Variants in SIRT7 observed in about 807,000 individuals in gnomAD.
SIRT7 encodes the protein NAD-dependent protein deacetylase sirtuin-7.
SIRT7 carries 32 observed loss-of-function variants against 42.8 expected under a neutral mutation model. The observed-to-expected ratio is 0.75, with a 90% CI of 0.56 to 1.00. The LOEUF (loss-of-function observed/expected upper bound fraction) is 1.00, where lower values mean the gene tolerates loss of function less well. Ranked by LOEUF, SIRT7 falls within the 50% of genes least tolerant of loss-of-function variation. The probability of loss-of-function intolerance (pLI) is 0.00; values close to 1 mark genes in which losing one functional copy is unlikely to be tolerated. For missense variants in SIRT7, 553 were observed against 572.2 expected, an observed-to-expected ratio of 0.97 and a Z score of 0.34; for synonymous variants, 297 against 245.2, an observed-to-expected ratio of 1.21 and a Z score of -1.97.
rs199694458 is a variant in SIRT7 at position 81,917,781 on chromosome 17, C to T, written c.231+49G>A. On this transcript the variant is annotated intron_variant, in intron 2 of 9. Coordinates refer to ENST00000328666, the MANE Select transcript of SIRT7 (RefSeq NM_016538.3). The stretch of plus-strand genomic sequence containing the variant: ...CCCCACCCGGGACCGCCCGTCGCCC[C>T]AGCTGCTCCCGAAACCGGGGGCGCC... 2.5e-4 allele frequency: 362 copies of T among 1,426,708 alleles called. 8 individuals are homozygous for T. In the South Asian group the frequency reaches 4.9e-3, roughly 19 times the overall value. 88.4% of individuals were successfully genotyped at this position (1,426,708 alleles called of 1,614,324 possible).
intron 5 of SIRT7, 55 bp from the exon 6 acceptor site, chr17:81,914,757 G>A (rs2040762254): frequency 6.9e-7 from 1 of 1,445,524 alleles, no homozygotes; most frequent in Non-Finnish European, 9.7e-7. Context: ...GTGGTGGGGA[G>A]GTCAGTACCC....
At chr17:81,917,510 C>A in intron 3 of SIRT7, 105 bp downstream of exon 3, 5 of 1,018,490 alleles carry the variant, frequency 4.9e-6, no homozygotes, top group Middle Eastern at 2.2e-4. Context: ...TTGGTCATTT[C>A]GTTTCTTTAA....
Position 81,913,223 on chromosome 17 carries a change from A to G in SIRT7, c.1004+551T>C. On this transcript the variant is annotated intron_variant, in intron 9 of 9. Transcript: ENST00000328666. This position sits in a 1 kb window ranked among gnomAD's most constrained non-coding sequence, Gnocchi z 5.0. ...ATAACATACAAGAAGTGCCAGGCCCAGAAGGTGAAGGGATCCTTAATTTCT... is the reference window on the plus strand; with the variant it reads ...ATAACATACAAGAAGTGCCAGGCCCGGAAGGTGAAGGGATCCTTAATTTCT... 1 of 454,974 alleles carries G rather than the reference A, an allele frequency of 2.2e-6. No individual in the cohort carries two copies. The highest frequency in any genetic ancestry group is 1.6e-5 in the South Asian group (1 of 64,134). The allele number at this position is 454,974 out of a possible 1,614,324, so 28.2% of individuals were successfully genotyped here. A position where few individuals can be genotyped will look rare whatever the true frequency, so the allele number is the denominator to read the frequency against.
intron 8 of SIRT7, 73 bp downstream of exon 8, chr17:81,914,014 T>TG: frequency 6.3e-7 from 1 of 1,586,608 alleles, no homozygotes; most frequent in Non-Finnish European, 8.6e-7. Context: ...CCCTGGTGCA[T>TG]GGGTGTGGGG....
intron 3 of SIRT7, chr17:81,917,001 T>C (rs577018990): frequency 4.6e-5 from 7 of 152,160 alleles, no homozygotes; most frequent in Admixed American, 2.6e-4. Flanking sequence ...GAGCGCAGAG[T>C]GTGTGTCTGA....
rs1178034536 is a variant in SIRT7, at chr17:81,918,159, T to TTCCGCC, written c.-34_-29dup. ...CTCCCCTGGAGACCTGCTCTTCCGC[T>TTCCGCC]TCCGCCTCACACGGCAGGCCGCGCT... On this transcript the variant is annotated 5_prime_UTR_variant, in exon 1 of 10. Transcript: ENST00000328666. The TTCCGCC allele has an allele frequency of 3.9e-6, 6 of 1,525,472 alleles. No individual in the cohort carries two copies. Among genetic ancestry groups the TTCCGCC allele is most frequent in the Non-Finnish European group, 4.4e-6 (5 of 1,145,746 alleles). The allele number at this position is 1,525,472 out of a possible 1,614,324, so 94.5% of individuals were successfully genotyped here. A position where few individuals can be genotyped will look rare whatever the true frequency, so the allele number is the denominator to read the frequency against.
At chr17:81,914,892 T>C in intron 5 of SIRT7, 190 bp from the exon 6 acceptor site, 1 of 594,616 alleles carries the variant, frequency 1.7e-6, no homozygotes, top group Non-Finnish European at 3.0e-6. Context: ...CAAGAGGGCC[T>C]GTGGTGGGGA....
At chr17:81,916,648 G>C (rs1300619602) in intron 3 of SIRT7, 1 of 152,038 alleles carries the variant, frequency 6.6e-6, no homozygotes, top group Non-Finnish European at 1.5e-5. Context: ...TGTATTTTTA[G>C]TAGAGACAGG....
At position 81,915,467 on chromosome 17, in the gene SIRT7, G is replaced by A. The variant is rs749164858; in HGVS notation, c.453C>T (p.Ser151=). 2 of 1,613,650 alleles carry A rather than the reference G, an allele frequency of 1.2e-6. No homozygotes were observed. Among genetic ancestry groups the A allele is most frequent in the South Asian group, 2.2e-5 (2 of 90,956 alleles). The change falls in exon 5 of 10, where the codon AGC becomes AGT. Residue 151 remains serine, a synonymous_variant. Coordinates refer to ENST00000328666, the MANE Select transcript of SIRT7 (RefSeq NM_016538.3). The part of the protein sequence containing the change: ...SEAEPTLTHM[S]ITRLHEQKLV... ...GCTTCTGCTCATGCAGACGGGTGATGCTCATGTGGGTGAGGGTTGGCTCGG... is the reference window on the plus strand; with the variant it reads ...GCTTCTGCTCATGCAGACGGGTGATACTCATGTGGGTGAGGGTTGGCTCGG...
In SIRT7 at chr17:81,913,708, G is replaced by A. The variant is rs2040737072; in HGVS notation, c.1004+66C>T. The A allele has an allele frequency of 6.6e-6, 9 of 1,355,958 alleles. No homozygotes were observed. The South Asian group carries it at 1.0e-4, about 15-fold the overall frequency. The allele number at this position is 1,355,958 out of a possible 1,614,324, so 84.0% of individuals were successfully genotyped here. A position where few individuals can be genotyped will look rare whatever the true frequency, so the allele number is the denominator to read the frequency against. ...AGCTTCCTCCACACTCAGCTCACGA[G>A]AGAAGACAGACAAGGCCCAGCACAC... On this transcript the variant is annotated intron_variant, in intron 9 of 9. Transcript: ENST00000328666. The surrounding 1 kb of genome is among the most constrained non-coding windows in gnomAD (Gnocchi z 5.0).
Position 81,912,453 on chromosome 17 carries a change from C to G in SIRT7, c.1166G>C (p.Gly389Ala). 2 of 1,614,066 alleles carry G rather than the reference C, an allele frequency of 1.2e-6. No homozygotes were observed. The highest frequency in any genetic ancestry group is 1.7e-5 in the Admixed American group (1 of 60,018). ...CTTCCTTTTTGTGCGTTTTGTGCAGCCCCTGCCAAACCAGCCCCCTAGGAT... is the reference window on the plus strand; with the variant it reads ...CTTCCTTTTTGTGCGTTTTGTGCAGGCCCTGCCAAACCAGCCCCCTAGGAT... ...APILGGWFGR[G>A]CTKRTKRKKV... Residue 389 changes from glycine (G) to alanine (A), a missense_variant, in exon 10 of 10, where the codon GGC becomes GCC. By Grantham distance (60) the Gly-to-Ala change is moderately conservative (BLOSUM62 0). Transcript: ENST00000328666.
rs901090651 is a variant in SIRT7 at position 81,915,303 on chromosome 17, G to A, written c.480+137C>T. The A allele has an allele frequency of 5.2e-5, 48 of 924,106 alleles. 1 individual carries two copies. The highest frequency in any genetic ancestry group is 4.0e-4 in the South Asian group (26 of 64,772). 57.2% of individuals were successfully genotyped at this position (924,106 alleles called of 1,614,324 possible). ...AGTCAAGCACAGGAGGATCAAACCC[G>A]CGGCCTAACCCGCTTGGTGGGTGCT... On this transcript the variant is annotated intron_variant, in intron 5 of 9. Transcript: ENST00000328666.
rs752298710 is a variant in SIRT7, at chr17:81,918,172, G to C, written c.-41C>G. 8.7e-5 allele frequency: 131 copies of C among 1,501,294 alleles called. 1 individual carries two copies. In the South Asian group the frequency reaches 1.5e-3, roughly 17 times the overall value. 93.0% of individuals were successfully genotyped at this position (1,501,294 alleles called of 1,614,324 possible). On this transcript the variant is annotated 5_prime_UTR_variant, in exon 1 of 10. Coordinates refer to ENST00000328666, the MANE Select transcript of SIRT7 (RefSeq NM_016538.3). ...CTGCTCTTCCGCTTCCGCCTCACAC[G>C]GCAGGCCGCGCTCAGGGCGCATGCG...
intron 9 of SIRT7, chr17:81,912,841 G>C (rs2040710770): frequency 6.7e-6 from 4 of 601,432 alleles, no homozygotes; most frequent in Non-Finnish European, 1.2e-5. Flanking sequence ...ACCCACACTA[G>C]CTCGGTCTCC....
intron 5 of SIRT7, chr17:81,914,903 G>C (rs1159061203): frequency 3.4e-6 from 2 of 588,984 alleles, no homozygotes; most frequent in Non-Finnish European, 6.1e-6. Flanking sequence ...GTGGTGGGGA[G>C]GGGCTGTCCT....
intron 2 of SIRT7, 22 bp from the exon 3 acceptor site, chr17:81,917,741 CACCGCCCCGG>C: frequency 1.3e-6 from 2 of 1,536,696 alleles, no homozygotes; most frequent in Non-Finnish European, 1.7e-6. Flanking sequence ...CCAGGGTGGT[CACCGCCCCGG>C]GCCGCCCCAC....
rs1052535134 is a variant in SIRT7 at position 81,917,470 on chromosome 17, C to G, written c.336+145G>C. The G allele has an allele frequency of 4.6e-6, 3 of 658,590 alleles. No homozygotes were observed. The African/African-American group carries it at 5.7e-5, about 13-fold the overall frequency. 40.8% of individuals were successfully genotyped at this position (658,590 alleles called of 1,614,324 possible). The stretch of plus-strand genomic sequence containing the variant: ...AACTGGCTGTAACACAGAGGCCAAG[C>G]GTTTAAAAAGCGTTTACCTTAGGTA... On this transcript the variant is annotated intron_variant, in intron 3 of 9. Transcript: ENST00000328666.
intron 3 of SIRT7, chr17:81,916,651 G>A (rs1365443535): frequency 6.6e-6 from 1 of 152,036 alleles, no homozygotes; most frequent in East Asian, 1.9e-4. Context: ...ATTTTTAGTA[G>A]AGACAGGGTT....
intron 3 of SIRT7, chr17:81,916,460 CTTT>C (rs540846820): frequency 1.2e-4 from 13 of 110,710 alleles, no homozygotes; most frequent in Non-Finnish European, 1.1e-4. Flanking sequence ...CATGACTGGA[CTTT>C]TTTTTTTTTT....
Sources: gnomAD v4.1 joint callset for allele counts on GRCh38, gnomAD v4.1.1 for gene constraint, Gnocchi (gnomAD v3.1) non-coding constraint, MANE v1.5 for transcripts, NCBI Gene and HGNC (gene_info 2026-07-23, HGNC 2026-07-21) for gene names.